The following PRPF40B variants were observed in gnomAD, a reference collection of about 807,000 sequenced individuals.
PRPF40B encodes the protein pre-mRNA-processing factor 40 homolog B.
In PRPF40B, 56 loss-of-function variants were observed where a neutral mutation model predicts 124.5. The ratio of observed to expected loss-of-function variants is 0.45; its 90% CI spans 0.36 to 0.56. The LOEUF (loss-of-function observed/expected upper bound fraction) is 0.56. PRPF40B is among the 20% of genes least tolerant of loss of function. The probability of loss-of-function intolerance (pLI) is 0.00; values close to 1 mark genes in which losing one functional copy is unlikely to be tolerated. For synonymous variants in PRPF40B, 443 were observed against 426.4 expected (o/e 1.04, Z -0.48); for missense variants, 1,053 against 1,169.5 (o/e 0.90, Z 1.45).
chr12:49,625,185 AG>A (rs1940595454), intron 1 of PRPF40B, among the ~76,000 whole-genome samples: 1 of 152,330 alleles, frequency 6.6e-6, no homozygotes, highest in East Asian at 1.9e-4. Context: ...GGGTTAAAAA[AG>A]AAAAAAGGAA....
chr12:49,633,782 TC>T (rs1941475397), intron 9 of PRPF40B, 103 bp from the exon 10 acceptor site: 3 of 1,604,456 alleles, frequency 1.9e-6, no homozygotes, highest in Non-Finnish European at 2.6e-6. Flanking sequence ...TGTGGAGTCA[TC>T]CCCTCTGGCC....
At chr12:49,643,819 C>G in intron 24 of PRPF40B, 42 bp from the exon 25 acceptor site, 1 of 1,613,886 alleles carries the variant, frequency 6.2e-7, no homozygotes, top group Non-Finnish European at 8.5e-7. Context: ...GCCTCCCAGG[C>G]TATCCACAGG....
chr12:49,623,775 G>A (rs1940426798), intron 1 of PRPF40B, 182 bp downstream of exon 1: 1 of 417,426 alleles, frequency 2.4e-6, no homozygotes, highest in Non-Finnish European at 3.1e-6. Flanking sequence ...GACTGGGGGC[G>A]AAGGGGCGGG....
At chr12:49,623,619 G>T in intron 1 of PRPF40B, 26 bp downstream of exon 1, 1 of 1,232,258 alleles carries the variant, frequency 8.1e-7, no homozygotes, top group Non-Finnish European at 1.0e-6. Flanking sequence ...GGGGGTGGAG[G>T]GGCTCGGGGC....
rs4898526 is a variant in PRPF40B at position 49,632,759 on chromosome 12, G to C, written c.323-96G>C. On this transcript the variant is annotated intron_variant, in intron 5 of 25. Coordinates refer to ENST00000548825, the MANE Select transcript of PRPF40B (RefSeq NM_001031698.3). ...AGTCTGGGATATTGATGGGACCAGG[G>C]GACTATTTACTGGGGCTGGAATACG... 12 of 1,600,532 alleles carry C rather than the reference G, an allele frequency of 7.5e-6. No individual in the cohort carries two copies. The Admixed American group carries it at 1.8e-4, about 24-fold the overall frequency.
upstream of PRPF40B, chr12:49,623,510 C>T (rs1329866978): frequency 1.6e-6 from 2 of 1,236,270 alleles, no homozygotes; most frequent in South Asian, 3.6e-5. Flanking sequence ...CGGCCCCGCC[C>T]TCCCGGCTGC....
intron 18 of PRPF40B, chr12:49,639,913 A>ATT (rs1415773971): frequency 2.0e-4 from 30 of 152,380 alleles, no homozygotes; most frequent in Non-Finnish European, 3.2e-4. Context: ...TATAAAGTAG[A>ATT]AATGCCTTAT....
Position 49,633,068 on chromosome 12 carries a change from G to T in PRPF40B, c.403G>T (p.Ala135Ser). Reference sequence around the variant, plus strand: ...AGATGGGCGCATCTACTACTACAATGCTGACGACAAGCAGTCCGTGTGGGA... The same window carrying T: ...AGATGGGCGCATCTACTACTACAATTCTGACGACAAGCAGTCCGTGTGGGA... ...APDGRIYYYN[A>S]DDKQSVWEKP... is the part of the protein sequence containing the mutation. Residue 135 changes from alanine (A) to serine (S), a missense_variant, in exon 7 of 26, where the codon GCT becomes TCT. Coordinates refer to ENST00000548825, the MANE Select transcript of PRPF40B (RefSeq NM_001031698.3). 6.7e-7 allele frequency: 1 copy of T among 1,487,770 alleles called. No individual in the cohort carries two copies. Among genetic ancestry groups the T allele is most frequent in the Non-Finnish European group, 9.0e-7 (1 of 1,107,808 alleles). 92.2% of individuals were successfully genotyped at this position (1,487,770 alleles called of 1,614,324 possible).
At chr12:49,626,642 G>A (rs912467944) in intron 1 of PRPF40B, among the ~76,000 whole-genome samples, 1 of 152,218 alleles carries the variant, frequency 6.6e-6, no homozygotes, top group Non-Finnish European at 1.5e-5. Flanking sequence ...GCAAAGAAGA[G>A]TGTGGGGCGG....
chr12:49,637,190 GT>G, intron 16 of PRPF40B: 1 of 571,802 alleles, frequency 1.7e-6, no homozygotes, highest in South Asian at 2.2e-5. Context: ...AGTGGTGGTG[GT>G]AGTGCTAGGG....
chr12:49,633,699 C>A (rs377383072), intron 9 of PRPF40B, 38 bp downstream of exon 9: 1 of 1,613,842 alleles, frequency 6.2e-7, no homozygotes, highest in South Asian at 1.1e-5. Flanking sequence ...ATAGTTGGGG[C>A]ACCTGGAGTG....
At chr12:49,643,527 C>A in intron 23 of PRPF40B, 130 bp downstream of exon 23, 1 of 1,377,796 alleles carries the variant, frequency 7.3e-7, no homozygotes, top group African/African-American at 1.5e-5. Flanking sequence ...GTAGAAAGAA[C>A]TTCCTCTACC....
chr12:49,632,768 A>C, intron 5 of PRPF40B, 87 bp from the exon 6 acceptor site: 2 of 1,603,256 alleles, frequency 1.2e-6, no homozygotes, highest in South Asian at 2.2e-5. Context: ...GGGACTATTT[A>C]CTGGGGCTGG....
chr12:49,643,268 C>G lies in PRPF40B; in HGVS notation c.2251C>G (p.Pro751Ala). Residue 751 changes from proline (P) to alanine (A), a missense_variant, in exon 23 of 26, where the codon CCC becomes GCC. Physicochemically the swap from Pro to Ala is conservative, Grantham distance 27 (BLOSUM62 -1). Coordinates refer to ENST00000548825, the MANE Select transcript of PRPF40B (RefSeq NM_001031698.3). The stretch of plus-strand genomic sequence containing the variant: ...GGAGCTGCCCCCACCATCTCTCCGG[C>G]CCCCCAAGCGGAGGAGGCGGAACCC... The part of the protein sequence containing the change: ...EEELPPPSLR[P>A]PKRRRRNPSE... 1.9e-6 allele frequency: 3 copies of G among 1,614,036 alleles called. No homozygotes were observed. Among genetic ancestry groups the G allele is most frequent in the Non-Finnish European group, 2.5e-6 (3 of 1,180,000 alleles).
chr12:49,633,534 G>A lies in PRPF40B; in HGVS notation c.567G>A (p.Leu189=), dbSNP rs754823653. 8 of 1,614,112 alleles carry A rather than the reference G, an allele frequency of 5.0e-6. No individual in the cohort carries two copies. In the South Asian group the frequency reaches 6.6e-5, roughly 13 times the overall value. ...CCCGCTGGACCCGGCCCAAGGATCT[G>A]GATGACCTAGAGGGTGAGATGTCCT... ...KESRWTRPKD[L]DDLEVLVKQE... The change falls in exon 8 of 26, where the codon CTG becomes CTA. Residue 189 remains leucine (L), a synonymous_variant. Transcript: ENST00000548825.
Position 49,623,599 on chromosome 12 carries a change from A to C in PRPF40B, c.3+6A>C, listed in dbSNP as rs1940394412. ...TGCTCGGAGGCTCTGGCATGGTAAC[A>C]TCCCCGCGCGGGGGTGGAGGGGCTC... On this transcript the variant is annotated splice_donor_region_variant and intron_variant, in intron 1 of 25. Coordinates refer to ENST00000548825, the MANE Select transcript of PRPF40B (RefSeq NM_001031698.3). 1 of 1,231,298 alleles carries C rather than the reference A, an allele frequency of 8.1e-7. No individual in the cohort carries two copies. Among genetic ancestry groups the C allele is most frequent in the South Asian group, 3.9e-5 (1 of 25,496 alleles). The allele number at this position is 1,231,298 out of a possible 1,614,324, so 76.3% of individuals were successfully genotyped here.
chr12:49,637,200 G>T (rs375325470), intron 16 of PRPF40B: 6 of 574,960 alleles, frequency 1.0e-5, no homozygotes, highest in Non-Finnish European at 1.9e-5. Flanking sequence ...GTAGTGCTAG[G>T]GGTTACTGCA....
In PRPF40B at chr12:49,633,528, G is replaced by T; in HGVS notation, c.561G>T (p.Lys187Asn). The change falls in exon 8 of 26, where the codon AAG becomes AAT. Residue 187 changes from lysine to asparagine, a missense_variant. Around this residue, in one of 2 missense-constraint regions of PRPF40B, gnomAD observed 895 missense variants for 1,052.2 expected, o/e 0.85. Transcript: ENST00000548825. ...QSKESRWTRPKDLDDLEVLVK... is the reference protein window; with the variant it reads ...QSKESRWTRPNDLDDLEVLVK... Reference sequence around the variant, plus strand: ...AAGAGTCCCGCTGGACCCGGCCCAAGGATCTGGATGACCTAGAGGGTGAGA... The same window carrying T: ...AAGAGTCCCGCTGGACCCGGCCCAATGATCTGGATGACCTAGAGGGTGAGA... 1 of 1,614,228 alleles carries T rather than the reference G, an allele frequency of 6.2e-7. No individual in the cohort carries two copies.
rs1941708547 is a variant in PRPF40B at position 49,635,648 on chromosome 12, G to A, written c.1275+175G>A. Among the ~76,000 whole-genome samples the A allele has an allele frequency of 6.6e-6, 1 of 152,118 alleles. No homozygotes were observed. The highest frequency in any genetic ancestry group is 2.4e-5 in the African/African-American group (1 of 41,394). ...TTCTGCTCTGGGCCTATAGTCCTGG[G>A]TGTAGCAGGGAGGAGGAGTCTCTGA... On this transcript the variant is annotated intron_variant, in intron 14 of 25. Coordinates refer to ENST00000548825, the MANE Select transcript of PRPF40B (RefSeq NM_001031698.3). The surrounding 1 kb of genome is among the most constrained non-coding windows in gnomAD (Gnocchi z 4.1).
Sources: gnomAD v4.1 joint callset for allele counts (sites outside exome capture counted in the v4.1 genomes callset) on GRCh38, gnomAD v4.1.1 for gene constraint, gnomAD v4.1.1 regional missense constraint, Gnocchi (gnomAD v3.1) non-coding constraint, MANE v1.5 for transcripts, NCBI Gene and HGNC (gene_info 2026-07-23, HGNC 2026-07-21) for gene names.